The following FHIT variants were observed in gnomAD, a reference collection of about 807,000 sequenced individuals.
The protein encoded by FHIT is bis(5'-adenosyl)-triphosphatase.
FHIT carries 19 observed loss-of-function variants against 17.9 expected under a neutral mutation model. The ratio of observed to expected loss-of-function variants is 1.06; its 90% CI spans 0.74 to 1.56. FHIT has a LOEUF of 1.56. Ranked by LOEUF, FHIT falls within the 40% of genes most tolerant of loss-of-function variation. The probability of loss-of-function intolerance (pLI) is 0.00; values close to 1 mark genes in which losing one functional copy is unlikely to be tolerated. For missense variants in FHIT, 248 were observed against 189.2 expected (o/e 1.31, Z -1.82); for synonymous variants, 81 against 69.7 (o/e 1.16, Z -0.81).
At chr3:61,012,139 T>C (rs1277687828) in intron 3 of FHIT, among the ~76,000 whole-genome samples, 1 of 152,194 alleles carries the variant, frequency 6.6e-6, no homozygotes, top group Non-Finnish European at 1.5e-5. Context: ...AAATCATATT[T>C]GCAGAGGTAT....
At chr3:60,553,644 G>C (rs1041083074) in intron 4 of FHIT, among the ~76,000 whole-genome samples, 2 of 151,268 alleles carry the variant, frequency 1.3e-5, no homozygotes, top group African/African-American at 2.4e-5. Flanking sequence ...ACCTGACCTT[G>C]AGTATTAAAC....
chr3:60,311,588 G>A (rs1043581280), intron 5 of FHIT, among the ~76,000 whole-genome samples: 4 of 152,272 alleles, frequency 2.6e-5, no homozygotes, highest in Non-Finnish European at 4.4e-5. Context: ...AACAAAGTAC[G>A]CACATTTATA....
intron 5 of FHIT, among the ~76,000 whole-genome samples, chr3:60,461,306 C>T (rs926358520): frequency 2.0e-5 from 3 of 152,104 alleles, no homozygotes; most frequent in Non-Finnish European, 2.9e-5. Context: ...AAACCCAAGA[C>T]GTAGAGCACA....
At chr3:60,931,329 C>T (rs1427365701) in intron 3 of FHIT, among the ~76,000 whole-genome samples, 2 of 151,882 alleles carry the variant, frequency 1.3e-5, no homozygotes, top group Non-Finnish European at 2.9e-5. Flanking sequence ...CAAACCTGCA[C>T]GTTGTGCACA....
At chr3:61,144,089 G>A (rs1367936331) in intron 2 of FHIT, among the ~76,000 whole-genome samples, 2 of 151,964 alleles carry the variant, frequency 1.3e-5, no homozygotes, top group Non-Finnish European at 2.9e-5. Flanking sequence ...TAAACTGTAC[G>A]ATTCATTCAT....
intron 1 of FHIT, among the ~76,000 whole-genome samples, chr3:61,207,268 A>G (rs12496007): frequency 0.43 from 65,675 of 151,748 alleles, 14,608 homozygotes; most frequent in East Asian, 0.58. Context: ...AGGGATATTG[A>G]TCTAAAATTC....
intron 5 of FHIT, among the ~76,000 whole-genome samples, chr3:60,346,869 G>A (rs1480389800): frequency 2.6e-5 from 4 of 152,016 alleles, no homozygotes; most frequent in Non-Finnish European, 4.4e-5. Flanking sequence ...TATGGATGTT[G>A]CTTTCTTAGA....
At chr3:61,085,947 C>A (rs1474366870) in intron 2 of FHIT, among the ~76,000 whole-genome samples, 1 of 151,950 alleles carries the variant, frequency 6.6e-6, no homozygotes, top group Admixed American at 6.6e-5. Flanking sequence ...TTTTGTAATT[C>A]TTTGTTCTGG....
intron 3 of FHIT, among the ~76,000 whole-genome samples, chr3:61,018,497 A>G (rs1469182717): frequency 6.6e-6 from 1 of 152,194 alleles, no homozygotes; most frequent in African/African-American, 2.4e-5. Flanking sequence ...TTTGACCCCA[A>G]AAGGGATTTG....
At chr3:60,380,648 C>T (rs890678491) in intron 5 of FHIT, among the ~76,000 whole-genome samples, 4 of 152,152 alleles carry the variant, frequency 2.6e-5, no homozygotes, top group Non-Finnish European at 4.4e-5. Flanking sequence ...TCTCCGTACA[C>T]GTCCAAGTTT....
chr3:59,944,457 T>C (rs1215092387), intron 7 of FHIT, among the ~76,000 whole-genome samples: 1 of 152,220 alleles, frequency 6.6e-6, no homozygotes, highest in East Asian at 1.9e-4. Context: ...CTCCACACTT[T>C]CGTTTATTTT....
intron 7 of FHIT, among the ~76,000 whole-genome samples, chr3:59,994,150 T>G (rs140669791): frequency 8.7e-4 from 132 of 152,110 alleles, no homozygotes; most frequent in African/African-American, 3.0e-3. Context: ...GCATTGTGGG[T>G]TACAAAGCAT....
intron 3 of FHIT, among the ~76,000 whole-genome samples, chr3:60,955,032 A>G (rs551229171): frequency 6.6e-5 from 10 of 152,186 alleles, no homozygotes; most frequent in Non-Finnish European, 1.5e-4. Context: ...TCAATCTAAA[A>G]CTAAACAGGT....
chr3:59,944,663 C>T (rs1575740239), intron 7 of FHIT, among the ~76,000 whole-genome samples: 2 of 152,002 alleles, frequency 1.3e-5, no homozygotes, highest in East Asian at 1.9e-4. Flanking sequence ...ATTCTTTGAT[C>T]CGCTCCCTTC....
chr3:60,943,250 T>C (rs7631028), intron 3 of FHIT, among the ~76,000 whole-genome samples: 77,796 of 151,916 alleles, frequency 0.51, 20,749 homozygotes, highest in East Asian at 0.67. Flanking sequence ...TACTTCTTGG[T>C]GACTGTGTCA....
chr3:60,462,322 G>C (rs1228215544), intron 5 of FHIT, among the ~76,000 whole-genome samples: 8 of 152,190 alleles, frequency 5.3e-5, no homozygotes. Context: ...CTGAGGCACA[G>C]AGTTGGCAAG....
intron 5 of FHIT, among the ~76,000 whole-genome samples, chr3:60,073,143 T>C (rs2106988034): frequency 6.6e-6 from 1 of 152,336 alleles, no homozygotes; most frequent in East Asian, 1.9e-4. Context: ...TGACTGATTG[T>C]GTTAGCAAGT....
At chr3:60,796,870 G>C (rs781892758) in intron 4 of FHIT, among the ~76,000 whole-genome samples, 15 of 152,158 alleles carry the variant, frequency 9.9e-5, no homozygotes, top group Non-Finnish European at 1.9e-4. Flanking sequence ...AAAATATCCA[G>C]ATTGTAAGGT....
chr3:60,075,058 T>C (rs1308455495), intron 5 of FHIT, among the ~76,000 whole-genome samples: 2 of 152,088 alleles, frequency 1.3e-5, no homozygotes, highest in South Asian at 2.1e-4. Flanking sequence ...CCCCCTAAAA[T>C]GTCACCCTCT....
Sources: allele counts gnomAD v4.1 joint callset (sites outside exome capture counted in the v4.1 genomes callset), GRCh38; gene constraint gnomAD v4.1.1; transcripts MANE v1.5; gene names NCBI Gene and HGNC (gene_info 2026-07-23, HGNC 2026-07-21).